The following PLA2G4C variants were observed in gnomAD, a reference collection of about 807,000 sequenced individuals.
The protein encoded by PLA2G4C is phospholipase A2 group IVC, also known as cytosolic phospholipase A2 gamma.
PLA2G4C carries 64 observed loss-of-function variants against 73.8 expected under a neutral mutation model. That is an observed-to-expected ratio of 0.87 (90% CI 0.71 to 1.07). The LOEUF (loss-of-function observed/expected upper bound fraction) is 1.07, where lower values mean the gene tolerates loss of function less well. Ranked by LOEUF, PLA2G4C falls within the 50% of genes least tolerant of loss-of-function variation. The probability of loss-of-function intolerance (pLI) is 0.00; values close to 1 mark genes in which losing one functional copy is unlikely to be tolerated. For missense variants in PLA2G4C, 622 were observed against 665.4 expected (o/e 0.93, Z 0.72); for synonymous variants, 254 against 252.1 (o/e 1.01, Z -0.07).
intron 14 of PLA2G4C, 151 bp downstream of exon 14, chr19:48,061,847 C>T (rs745706343): frequency 2.6e-5 from 20 of 756,196 alleles, no homozygotes; most frequent in Non-Finnish European, 3.1e-5. Context: ...GCTTCGGGAG[C>T]GATGGGTGAG....
In PLA2G4C at chr19:48,048,256, G is replaced by T; in HGVS notation, c.*87C>A. 1.1e-6 allele frequency: 1 copy of T among 938,762 alleles called. No homozygotes were observed. The highest frequency in any genetic ancestry group is 2.2e-5 in the Admixed American group (1 of 45,290). The allele number at this position is 938,762 out of a possible 1,614,324, so 58.2% of individuals were successfully genotyped here. A position where few individuals can be genotyped will look rare whatever the true frequency, so the allele number is the denominator to read the frequency against. ...ACTCAAGGCCATGAAGCGTGTGGCT[G>T]AAGGGAGTGAAGAACAGGAAGGCCA... is the stretch of plus-strand genomic sequence containing the variant. On this transcript the variant is annotated 3_prime_UTR_variant, in exon 17 of 17. Coordinates refer to ENST00000599921, the MANE Select transcript of PLA2G4C (RefSeq NM_003706.3).
At chr19:48,087,951 A>G (rs1014863802) in intron 9 of PLA2G4C, among the ~76,000 whole-genome samples, 4 of 151,810 alleles carry the variant, frequency 2.6e-5, no homozygotes, top group Admixed American at 6.6e-5. Context: ...AAAAAAAAAA[A>G]AAATCTCGAT....
intron 15 of PLA2G4C, among the ~76,000 whole-genome samples, chr19:48,053,966 T>G (rs1265940371): frequency 2.0e-5 from 3 of 152,148 alleles, no homozygotes; most frequent in Admixed American, 2.0e-4. Flanking sequence ...GGGTTGGATA[T>G]TCAGGTAGGA....
Position 48,099,767 on chromosome 19 carries a change from A to G in PLA2G4C, c.351T>C (p.Ala117=), listed in dbSNP as rs755870265. 2.5e-6 allele frequency: 4 copies of G among 1,613,980 alleles called. No individual in the cohort carries two copies. The highest frequency in any genetic ancestry group is 3.4e-6 in the Non-Finnish European group (4 of 1,179,850). ...CTTGGATGGTTTTCTGTAGGCTCTTAGCCAAGTCCCACTCCTGTCGGGTAA... is the reference window on the plus strand; with the variant it reads ...CTTGGATGGTTTTCTGTAGGCTCTTGGCCAAGTCCCACTCCTGTCGGGTAA... ...HRFTRQEWDL[A]KSLQKTIQAA... is the part of the protein sequence containing the mutation. The change falls in exon 5 of 17, where the codon GCT becomes GCC. Residue 117 remains alanine (A), a synonymous_variant. Transcript: ENST00000599921.
chr19:48,077,680 G>T, intron 11 of PLA2G4C, 91 bp downstream of exon 11: 1 of 939,840 alleles, frequency 1.1e-6, no homozygotes, highest in Non-Finnish European at 1.6e-6. Context: ...ACATGAATCA[G>T]ACACGTAAAG....
intron 15 of PLA2G4C, among the ~76,000 whole-genome samples, chr19:48,053,992 G>A (rs1368838675): frequency 1.3e-5 from 2 of 152,264 alleles, no homozygotes; most frequent in East Asian, 3.9e-4. Context: ...AGGCTGCAGA[G>A]AGAGGCAGCA....
chr19:48,090,716 A>C, intron 7 of PLA2G4C: 1 of 379,048 alleles, frequency 2.6e-6, no homozygotes, highest in Non-Finnish European at 4.9e-6. Context: ...GCTCCTGTCC[A>C]TGCCAACCCT....
chr19:48,095,305 G>T (rs2031509637), intron 7 of PLA2G4C, among the ~76,000 whole-genome samples, 159 bp downstream of exon 7: 1 of 152,108 alleles, frequency 6.6e-6, no homozygotes, highest in South Asian at 2.1e-4. Context: ...TGAAGACTCA[G>T]CAGAAGGAAT....
At chr19:48,097,315 C>T (rs1329947170) in intron 6 of PLA2G4C, among the ~76,000 whole-genome samples, 6 of 136,054 alleles carry the variant, frequency 4.4e-5, no homozygotes, top group African/African-American at 8.8e-5. Context: ...TGCTGTGGCG[C>T]GATCTCAGCT....
chr19:48,097,244 C>CGTTTTTTTTTT (rs1568449148), intron 6 of PLA2G4C: 23 of 66,612 alleles, frequency 3.5e-4, no homozygotes, highest in African/African-American at 1.6e-3. Context: ...TTACTTTTTT[C>CGTTTTTTTTTT]TTTTTTCTTT....
chr19:48,106,930 C>T (rs1266001271), intron 1 of PLA2G4C, among the ~76,000 whole-genome samples: 1 of 152,046 alleles, frequency 6.6e-6, no homozygotes, highest in African/African-American at 2.4e-5. Context: ...CTGCATCCTC[C>T]GCCTCCCGGG....
Position 48,066,958 on chromosome 19 carries a change from G to GACACACACACACACAC in PLA2G4C, c.1102+817_1102+832dup, listed in dbSNP as rs200703260. ...CATTCCCACCTGGGCAACAGAGCAA[G>GACACACACACACACAC]ACACACACACACACACACACACACA... On this transcript the variant is annotated intron_variant, in intron 13 of 16. Transcript: ENST00000599921. Among the ~76,000 whole-genome samples the GACACACACACACACAC allele has an allele frequency of 2.1e-3, 301 of 143,922 alleles. 2 individuals are homozygous for GACACACACACACACAC. The highest frequency in any genetic ancestry group is 7.4e-3 in the African/African-American group (286 of 38,818). The allele number at this position is 143,922 out of a possible 152,430, so 94.4% of individuals were successfully genotyped here. A position where few individuals can be genotyped will look rare whatever the true frequency, so the allele number is the denominator to read the frequency against.
At position 48,067,818 on chromosome 19, in the gene PLA2G4C, TC is replaced by T. The variant is rs11564619; in HGVS notation, c.1074del (p.Thr359ProfsTer16). 283 of 1,611,384 alleles carry T rather than the reference TC, an allele frequency of 1.8e-4. 1 individual carries two copies. The Admixed American group carries it at 4.7e-3, about 27-fold the overall frequency. ...TGTTTGTACAGGAAGTTGTGAGTGG[TC>T]CCCCATTCCCACTTTGAAGCGCAAA... ...TGICASKWEWGTTHNFLYKHG... is the reference protein window; with the variant it reads ...TGICASKWEWXTTHNFLYKHG... On this transcript the variant is annotated frameshift_variant, in exon 13 of 17. Coordinates refer to ENST00000599921, the MANE Select transcript of PLA2G4C (RefSeq NM_003706.3). LOFTEE classifies it high-confidence loss of function.
At position 48,099,812 on chromosome 19, in the gene PLA2G4C, C is replaced by T; in HGVS notation, c.306G>A (p.Glu102=). ...GGGTAAATCGATGTTTCAGGTCAGC[C>T]TCGAGAGCTTCCATGTCACCATCAT... ...YTNDGDMEAL[E]ADLKHRFTRQ... Residue 102 remains glutamate, a synonymous_variant, in exon 5 of 17, where the codon GAG becomes GAA. Coordinates refer to ENST00000599921, the MANE Select transcript of PLA2G4C (RefSeq NM_003706.3). 1 of 1,613,996 alleles carries T rather than the reference C, an allele frequency of 6.2e-7. No homozygotes were observed. The highest frequency in any genetic ancestry group is 1.7e-5 in the Admixed American group (1 of 60,000).
intron 4 of PLA2G4C, chr19:48,104,357 T>C: frequency 2.2e-6 from 1 of 448,194 alleles, no homozygotes; most frequent in African/African-American, 2.0e-5. Context: ...TAATTGCAAC[T>C]CGTGTCTGAA....
intron 12 of PLA2G4C, among the ~76,000 whole-genome samples, chr19:48,068,448 C>T (rs1319382995): frequency 6.6e-6 from 1 of 151,642 alleles, no homozygotes; most frequent in African/African-American, 2.4e-5. Flanking sequence ...TTAGGGAAGC[C>T]GAGGTGGGAG....
chr19:48,048,668 C>T (rs1967611285), intron 16 of PLA2G4C, among the ~76,000 whole-genome samples: 1 of 152,160 alleles, frequency 6.6e-6, no homozygotes, highest in Admixed American at 6.6e-5. Context: ...TGGCCTACAT[C>T]GAATGTCATG....
intron 4 of PLA2G4C, 114 bp from the exon 5 acceptor site, chr19:48,099,974 G>A (rs539479451): frequency 3.6e-5 from 23 of 642,490 alleles, no homozygotes; most frequent in African/African-American, 3.1e-4. Context: ...TGGAGAGGGC[G>A]ACACACAGAG....
chr19:48,088,740 G>A, intron 8 of PLA2G4C, 28 bp from the exon 9 acceptor site: 1 of 1,558,620 alleles, frequency 6.4e-7, no homozygotes, highest in Non-Finnish European at 8.9e-7. Flanking sequence ...CAGGAGGAAT[G>A]TTTATCTGTA....
Sources: allele counts gnomAD v4.1 joint callset (sites outside exome capture counted in the v4.1 genomes callset), GRCh38; gene constraint gnomAD v4.1.1; transcripts MANE v1.5; gene names NCBI Gene and HGNC (gene_info 2026-07-23, HGNC 2026-07-21).